Variants in TRIP12 observed in about 807,000 individuals in gnomAD.
TRIP12 encodes E3 ubiquitin-protein ligase TRIP12.
Under a neutral mutation model 244.2 loss-of-function variants are expected in TRIP12, and 25 were observed. The ratio of observed to expected loss-of-function variants is 0.10; its 90% CI spans 0.07 to 0.14. TRIP12 has a LOEUF of 0.14. Ranked by LOEUF, TRIP12 falls within the 10% of genes least tolerant of loss-of-function variation. The probability of loss-of-function intolerance (pLI) is 1.00; values close to 1 mark genes in which losing one functional copy is unlikely to be tolerated. For synonymous variants in TRIP12, 905 were observed against 873.1 expected (o/e 1.04, Z -0.64); for missense variants, 1,677 against 2,486.4 (o/e 0.67, Z 6.92).
intron 2 of TRIP12, among the ~76,000 whole-genome samples, chr2:229,874,745 T>C (rs2154349502): frequency 6.6e-6 from 1 of 152,278 alleles, no homozygotes; most frequent in Middle Eastern, 3.4e-3. Context: ...TTAACCATGG[T>C]TATCTCTGAG....
At chr2:229,801,099 C>A (rs1304901587) in intron 21 of TRIP12, among the ~76,000 whole-genome samples, 1 of 151,888 alleles carries the variant, frequency 6.6e-6, no homozygotes, top group Non-Finnish European at 1.5e-5. Flanking sequence ...AGGAATGGGG[C>A]TGGGAAGGAA....
chr2:229,860,657 C>G, intron 2 of TRIP12, 126 bp from the exon 3 acceptor site: 3 of 940,056 alleles, frequency 3.2e-6, no homozygotes, highest in Non-Finnish European at 1.4e-6. Flanking sequence ...TACCCTTTTT[C>G]CAAATATTTA....
At chr2:229,767,807 C>A in intron 41 of TRIP12, 57 bp from the exon 42 acceptor site, 1 of 1,525,614 alleles carries the variant, frequency 6.6e-7, no homozygotes, top group South Asian at 1.2e-5. Flanking sequence ...CATCAGCTAT[C>A]AGAAAACATT....
intron 30 of TRIP12, 22 bp from the exon 31 acceptor site, chr2:229,789,784 TAA>T: frequency 6.2e-7 from 1 of 1,612,142 alleles, no homozygotes; most frequent in Non-Finnish European, 8.5e-7. Flanking sequence ...AAGATCAAAG[TAA>T]GTTTTGATCA....
At chr2:229,872,802 G>A (rs2062909871) in intron 2 of TRIP12, among the ~76,000 whole-genome samples, 1 of 152,166 alleles carries the variant, frequency 6.6e-6, no homozygotes, top group Admixed American at 6.5e-5. Flanking sequence ...CAAGACTCAA[G>A]TCTACTTTCC....
chr2:229,791,810 C>T, intron 29 of TRIP12, 56 bp downstream of exon 29: 1 of 1,575,252 alleles, frequency 6.3e-7, no homozygotes. Flanking sequence ...AATTCTAAAA[C>T]ACAAGAACAG....
intron 26 of TRIP12, 91 bp downstream of exon 26, chr2:229,795,088 C>G: frequency 6.8e-7 from 1 of 1,461,066 alleles, no homozygotes; most frequent in South Asian, 1.4e-5. Flanking sequence ...CTGGGCCAAT[C>G]AAGACTTTAC....
intron 1 of TRIP12, among the ~76,000 whole-genome samples, chr2:229,892,031 C>T (rs1169027616): frequency 6.6e-6 from 1 of 152,244 alleles, no homozygotes; most frequent in African/African-American, 2.4e-5. Flanking sequence ...ATAGACAGAA[C>T]ATTGTTAATT....
At chr2:229,886,630 C>T (rs920571352) in intron 1 of TRIP12, among the ~76,000 whole-genome samples, 2 of 152,016 alleles carry the variant, frequency 1.3e-5, no homozygotes, top group Non-Finnish European at 2.9e-5. Context: ...CCATGCATGG[C>T]TAATTTTTGT....
Position 229,918,005 on chromosome 2 carries a change from T to C in TRIP12, c.-50+3875A>G, listed in dbSNP as rs139871398. 2.9e-3 allele frequency among the ~76,000 whole-genome samples: 438 copies of C among 152,208 alleles called. 2 individuals are homozygous for C. Among genetic ancestry groups the C allele is most frequent in the African/African-American group, 9.4e-3 (392 of 41,524 alleles). Reference sequence around the variant, plus strand: ...TTAGTATACCTTCACACATACCACATTGACATGAAATCATCCTTGCCCTCA... The same window carrying C: ...TTAGTATACCTTCACACATACCACACTGACATGAAATCATCCTTGCCCTCA... On this transcript the variant is annotated intron_variant, in intron 1 of 41. Coordinates refer to ENST00000675903, the MANE Select transcript of TRIP12 (RefSeq NM_001348323.3).
intron 5 of TRIP12, among the ~76,000 whole-genome samples, chr2:229,839,198 C>A (rs550714022): frequency 2.6e-5 from 4 of 152,306 alleles, no homozygotes; most frequent in African/African-American, 9.6e-5. Flanking sequence ...CATGGTGTTA[C>A]AACTGTCTAC....
intron 4 of TRIP12, among the ~76,000 whole-genome samples, chr2:229,853,261 T>G (rs1009308206): frequency 6.6e-6 from 1 of 152,196 alleles, no homozygotes; most frequent in African/African-American, 2.4e-5. Flanking sequence ...TACTCTATTT[T>G]TAATATAATT....
chr2:229,798,535 A>C (rs1401851318), intron 23 of TRIP12, among the ~76,000 whole-genome samples: 26 of 152,170 alleles, frequency 1.7e-4, no homozygotes. Flanking sequence ...ATTTTATCAT[A>C]AAAGATGTGA....
At chr2:229,870,522 GAA>G (rs1194994552) in intron 2 of TRIP12, among the ~76,000 whole-genome samples, 1 of 152,180 alleles carries the variant, frequency 6.6e-6, no homozygotes, top group African/African-American at 2.4e-5. Context: ...TCTAAGACTG[GAA>G]AAGAGTATAA....
intron 1 of TRIP12, among the ~76,000 whole-genome samples, chr2:229,904,220 C>T (rs944935967): frequency 6.6e-6 from 1 of 151,824 alleles, no homozygotes; most frequent in African/African-American, 2.4e-5. Context: ...AAGTTTGAAA[C>T]CAACCCAGTC....
At position 229,799,063 on chromosome 2, in the gene TRIP12, A is replaced by G; in HGVS notation, c.3308-14T>C. 6.2e-7 allele frequency: 1 copy of G among 1,612,860 alleles called. No homozygotes were observed. Among genetic ancestry groups the G allele is most frequent in the East Asian group, 2.2e-5 (1 of 44,880 alleles). ...TGGGGCTTTTAGCTATGAAAAGAAA[A>G]AAGAACTACAGTTAAGTCATTTTAG... is the stretch of plus-strand genomic sequence containing the variant. On this transcript the variant is annotated splice_polypyrimidine_tract_variant and intron_variant, in intron 22 of 41. Transcript: ENST00000675903.
rs2053116383 is a variant in TRIP12 at position 229,830,688 on chromosome 2, C to A, written c.1354+68G>T. ...CAAATGAATTTAACTAAATTAATTTCAATAAAGAATGGTATTAACAGGTAG... is the reference window on the plus strand; with the variant it reads ...CAAATGAATTTAACTAAATTAATTTAAATAAAGAATGGTATTAACAGGTAG... On this transcript the variant is annotated intron_variant, in intron 7 of 41. Transcript: ENST00000675903. The A allele has an allele frequency of 2.8e-6, 4 of 1,438,462 alleles. No homozygotes were observed. The African/African-American group carries it at 5.7e-5, about 20-fold the overall frequency. The allele number at this position is 1,438,462 out of a possible 1,614,324, so 89.1% of individuals were successfully genotyped here.
chr2:229,795,016 G>A (rs1442978319), intron 26 of TRIP12, 163 bp downstream of exon 26: 6 of 689,234 alleles, frequency 8.7e-6, no homozygotes, highest in Non-Finnish European at 1.4e-5. Flanking sequence ...TTAAAGATAA[G>A]AAAGCATTTG....
chr2:229,848,730 C>T (rs2058075163), intron 4 of TRIP12, among the ~76,000 whole-genome samples: 1 of 152,116 alleles, frequency 6.6e-6, no homozygotes, highest in Non-Finnish European at 1.5e-5. Flanking sequence ...CCAGAGAAAG[C>T]AAAACCAGTT....
Sources: allele counts gnomAD v4.1 joint callset (sites outside exome capture counted in the v4.1 genomes callset), GRCh38; gene constraint gnomAD v4.1.1; transcripts MANE v1.5; gene names NCBI Gene and HGNC (gene_info 2026-07-23, HGNC 2026-07-21).